The following ADARB2 variants were observed in gnomAD, a reference collection of about 807,000 sequenced individuals.
ADARB2 encodes inactive double-stranded RNA-specific editase B2.
A neutral mutation model predicts 62.2 loss-of-function variants in ADARB2; 25 were observed. The ratio of observed to expected loss-of-function variants is 0.40; its 90% CI spans 0.29 to 0.56. The LOEUF is 0.56. ADARB2 is among the 20% of genes least tolerant of loss of function. The pLI, the probability that ADARB2 is intolerant of heterozygous loss-of-function variation, is 0.43. For missense variants in ADARB2, 1,071 were observed against 1,077.4 expected, an observed-to-expected ratio of 0.99 and a Z score of 0.08; for synonymous variants, 572 against 500.8, an observed-to-expected ratio of 1.14 and a Z score of -1.90.
intron 1 of ADARB2, among the ~76,000 whole-genome samples, chr10:1,719,935 T>C (rs946821385): frequency 6.6e-6 from 1 of 152,228 alleles, no homozygotes; most frequent in African/African-American, 2.4e-5. Context: ...GCTTATACAC[T>C]GTTAGTGGGA....
chr10:1,281,664 C>A (rs1202285017), intron 3 of ADARB2, among the ~76,000 whole-genome samples: 2 of 152,246 alleles, frequency 1.3e-5, no homozygotes, highest in East Asian at 1.9e-4. Flanking sequence ...CAGCATCCTG[C>A]CCCTCAGGGA....
At chr10:1,194,535 A>ATCTATCTG (rs1554742483) in intron 8 of ADARB2, among the ~76,000 whole-genome samples, 1 of 151,662 alleles carries the variant, frequency 6.6e-6, no homozygotes, top group Admixed American at 6.6e-5. Context: ...TAATCTATCT[A>ATCTATCTG]TCTGTCTGTC....
intron 1 of ADARB2, among the ~76,000 whole-genome samples, chr10:1,559,646 G>A (rs541576021): frequency 6.6e-6 from 1 of 152,300 alleles, no homozygotes; most frequent in African/African-American, 2.4e-5. Flanking sequence ...GGTCAGCGGT[G>A]GAGGAACAGG....
At chr10:1,217,957 C>T (rs1367194425) in intron 6 of ADARB2, among the ~76,000 whole-genome samples, 1 of 152,130 alleles carries the variant, frequency 6.6e-6, no homozygotes, top group Non-Finnish European at 1.5e-5. Flanking sequence ...CCCCGCCCCC[C>T]TATACCACAT....
At chr10:1,219,239 A>G (rs1830660253) in intron 6 of ADARB2, among the ~76,000 whole-genome samples, 1 of 152,100 alleles carries the variant, frequency 6.6e-6, no homozygotes, top group African/African-American at 2.4e-5. Context: ...TTTATAAATT[A>G]CCCAGTCTCA....
intron 3 of ADARB2, among the ~76,000 whole-genome samples, chr10:1,314,400 C>CA (rs1402706074): frequency 6.6e-6 from 1 of 152,156 alleles, no homozygotes; most frequent in Non-Finnish European, 1.5e-5. Flanking sequence ...CCTAAGTCAG[C>CA]AGACGGGCCC....
chr10:1,335,683 A>G (rs1261155222), intron 3 of ADARB2, among the ~76,000 whole-genome samples: 2 of 152,180 alleles, frequency 1.3e-5, no homozygotes, highest in Non-Finnish European at 2.9e-5. Flanking sequence ...CCTGAGGAAC[A>G]TTTTGACATG....
chr10:1,477,396 C>A lies in ADARB2; in HGVS notation c.101-98236G>T, dbSNP rs1423799926. On this transcript the variant is annotated intron_variant, in intron 1 of 9. Transcript: ENST00000381312. This position sits in a 1 kb window ranked among gnomAD's most constrained non-coding sequence, Gnocchi z 4.5. ...GCAGCATGACCTTATCTGCCCATGG[C>A]CCCCTCCAGCATGACCCTATACAGC... 6.6e-6 allele frequency among the ~76,000 whole-genome samples: 1 copy of A among 152,188 alleles called. No homozygotes were observed. Among genetic ancestry groups the A allele is most frequent in the Non-Finnish European group, 1.5e-5 (1 of 68,038 alleles).
At chr10:1,696,081 A>T (rs1834739672) in intron 1 of ADARB2, among the ~76,000 whole-genome samples, 1 of 151,056 alleles carries the variant, frequency 6.6e-6, no homozygotes, top group Admixed American at 6.6e-5. Context: ...ATGTGCATCC[A>T]TGCATGTCTG....
intron 1 of ADARB2, among the ~76,000 whole-genome samples, chr10:1,409,087 G>C (rs779505026): frequency 2.7e-4 from 41 of 152,314 alleles, no homozygotes; most frequent in Admixed American, 7.8e-4. Context: ...AGTCTACCCT[G>C]GACCCTTGGA....
intron 1 of ADARB2, among the ~76,000 whole-genome samples, chr10:1,455,986 A>G (rs1831090863): frequency 6.6e-6 from 1 of 152,248 alleles, no homozygotes; most frequent in South Asian, 2.1e-4. Context: ...CATGCATAGA[A>G]GAGTGGTTGA....
chr10:1,187,750 A>T (rs1836780197), intron 8 of ADARB2: 3 of 303,132 alleles, frequency 9.9e-6, no homozygotes, highest in Non-Finnish European at 2.2e-5. Flanking sequence ...ACTGCTCCAC[A>T]CTCCGGGGAC....
At chr10:1,678,115 C>T in intron 1 of ADARB2, 1 of 981,054 alleles carries the variant, frequency 1.0e-6, no homozygotes. Context: ...CTTCAAATTC[C>T]AAAGGAATGG....
At chr10:1,616,390 A>T (rs1875001) in intron 1 of ADARB2, among the ~76,000 whole-genome samples, 6 of 147,754 alleles carry the variant, frequency 4.1e-5, no homozygotes, top group African/African-American at 1.3e-4. Flanking sequence ...CTCTACCCTG[A>T]GCTGCTGAGC....
intron 3 of ADARB2, among the ~76,000 whole-genome samples, chr10:1,297,301 C>T (rs554192630): frequency 2.6e-5 from 4 of 152,308 alleles, no homozygotes; most frequent in African/African-American, 9.6e-5. Context: ...GTTATGGACC[C>T]GCAGGTGTTA....
intron 3 of ADARB2, among the ~76,000 whole-genome samples, chr10:1,278,757 A>C (rs1831344029): frequency 6.6e-6 from 1 of 152,076 alleles, no homozygotes; most frequent in Admixed American, 6.5e-5. Context: ...AACTCCAGCA[A>C]CATTCATGTA....
chr10:1,520,907 T>G (rs1832065083), intron 1 of ADARB2, among the ~76,000 whole-genome samples: 1 of 152,236 alleles, frequency 6.6e-6, no homozygotes. Context: ...TTCCTGGACC[T>G]TTTTCATTTC....
chr10:1,363,134 T>C lies in ADARB2; in HGVS notation c.971A>G (p.Lys324Arg), dbSNP rs758352727. The change falls in exon 3 of 10, where the codon AAG (lysine) becomes AGG (arginine). Residue 324 changes from lysine to arginine, a missense_variant. Transcript: ENST00000381312. ...CGCGGCCTGACCCCGGGCCAGCTTC[T>C]TGCTGCGCCCCGAGCCCTCGAACGT... The part of the protein sequence containing the change: ...GRTFEGSGRS[K>R]KLARGQAAQA... 1.9e-6 allele frequency: 3 copies of C among 1,547,442 alleles called. No individual in the cohort carries two copies. In the South Asian group the frequency reaches 3.5e-5, roughly 18 times the overall value.
chr10:1,563,273 G>A (rs1028925157), intron 1 of ADARB2, among the ~76,000 whole-genome samples: 24 of 152,094 alleles, frequency 1.6e-4, no homozygotes, highest in African/African-American at 5.6e-4. Context: ...TGGTGAGAAC[G>A]TGGTCCCCCT....
Sources: gnomAD v4.1 joint callset for allele counts (sites outside exome capture counted in the v4.1 genomes callset) on GRCh38, gnomAD v4.1.1 for gene constraint, Gnocchi (gnomAD v3.1) non-coding constraint, MANE v1.5 for transcripts, NCBI Gene and HGNC (gene_info 2026-07-23, HGNC 2026-07-21) for gene names.